Variants in PSMA4 observed in about 807,000 individuals in gnomAD.
The protein encoded by PSMA4 is proteasome 20S subunit alpha 4.
A neutral mutation model predicts 37.2 loss-of-function variants in PSMA4; 8 were observed. The ratio of observed to expected loss-of-function variants is 0.22; its 90% CI spans 0.13 to 0.39. The LOEUF (loss-of-function observed/expected upper bound fraction) is 0.39, where lower values mean the gene tolerates loss of function less well. Among genes scored for constraint, PSMA4 ranks in the 10% least tolerant of loss-of-function variants. PSMA4 has a pLI of 1.00. For synonymous variants in PSMA4, 93 were observed against 98.8 expected, an observed-to-expected ratio of 0.94 and a Z score of 0.35; for missense variants, 169 against 305.1, an observed-to-expected ratio of 0.55 and a Z score of 3.32.
rs2052523777 is a variant in PSMA4, at chr15:78,544,861, T to C, written c.288-8T>C. The C allele has an allele frequency of 1.3e-6, 2 of 1,582,702 alleles. No individual in the cohort carries two copies. The highest frequency in any genetic ancestry group is 2.7e-5 in the African/African-American group (2 of 74,110). The stretch of plus-strand genomic sequence containing the variant: ...AAAACTACTAATGTGCCCATCTCTT[T>C]ATCCTAGGTATTTATTACAGTATCA... On this transcript the variant is annotated splice_polypyrimidine_tract_variant and splice_region_variant and intron_variant, in intron 5 of 8. Coordinates refer to ENST00000044462, the MANE Select transcript of PSMA4 (RefSeq NM_002789.6).
Position 78,544,284 on chromosome 15 carries a change from C to T in PSMA4, c.287+17C>T. ...TGCTCAAAGGTATGGTCATAAATAG[C>T]ATAACTGATGATACAGAAATTAGTT... On this transcript the variant is annotated intron_variant, in intron 5 of 8. Transcript: ENST00000044462. 6.9e-7 allele frequency: 1 copy of T among 1,453,974 alleles called. No homozygotes were observed. Among genetic ancestry groups the T allele is most frequent in the Non-Finnish European group, 9.2e-7 (1 of 1,091,114 alleles). The allele number at this position is 1,453,974 out of a possible 1,614,324, so 90.1% of individuals were successfully genotyped here.
rs181448182 is a variant in PSMA4 at position 78,542,290 on chromosome 15, A to G, written c.46+71A>G. ...TGTTAGACTTTTAGAAAAAAAAATT[A>G]CAAACTTTTTTTGGTAGTTGCAAAG... On this transcript the variant is annotated intron_variant, in intron 3 of 8. Coordinates refer to ENST00000044462, the MANE Select transcript of PSMA4 (RefSeq NM_002789.6). 1.2e-4 allele frequency: 187 copies of G among 1,503,288 alleles called. No homozygotes were observed. The African/African-American group carries it at 2.3e-3, about 19-fold the overall frequency. 93.1% of individuals were successfully genotyped at this position (1,503,288 alleles called of 1,614,324 possible). A position where few individuals can be genotyped will look rare whatever the true frequency, so the allele number is the denominator to read the frequency against.
chr15:78,542,077 C>G, intron 2 of PSMA4, 100 bp from the exon 3 acceptor site: 1 of 1,459,924 alleles, frequency 6.8e-7, no homozygotes, highest in East Asian at 2.3e-5. Flanking sequence ...ACCTATTGAA[C>G]TTTGTATACC....
At chr15:78,544,112 T>C (rs1245297942) in intron 4 of PSMA4, 78 bp from the exon 5 acceptor site, 20 of 1,060,268 alleles carry the variant, frequency 1.9e-5, no homozygotes, top group Non-Finnish European at 2.6e-5. Flanking sequence ...TAATAGAAAT[T>C]AGAATTTTTT....
chr15:78,542,220 G>A lies in PSMA4; in HGVS notation c.46+1G>A. On this transcript the variant is annotated splice_donor_variant, in intron 3 of 8. Transcript: ENST00000044462. LOFTEE classifies it high-confidence loss of function. Reference sequence around the variant, plus strand: ...AGGACCACTATATTTTCTCCAGAAGGTAAAATAGAAATTGTTTAATCTGCC... The same window carrying A: ...AGGACCACTATATTTTCTCCAGAAGATAAAATAGAAATTGTTTAATCTGCC... 6.3e-7 allele frequency: 1 copy of A among 1,595,890 alleles called. No homozygotes were observed. Among genetic ancestry groups the A allele is most frequent in the Non-Finnish European group, 8.5e-7 (1 of 1,174,062 alleles).
At chr15:78,547,386 A>G (rs2052572281) in intron 8 of PSMA4, among the ~76,000 whole-genome samples, 1 of 152,214 alleles carries the variant, frequency 6.6e-6, no homozygotes, top group Admixed American at 6.5e-5. Flanking sequence ...ATGTAGTTAT[A>G]TATTTATACA....
At position 78,546,668 on chromosome 15, in the gene PSMA4, A is replaced by G. The variant is rs755670788; in HGVS notation, c.601A>G (p.Met201Val). The G allele has an allele frequency of 1.2e-6, 2 of 1,602,260 alleles. No homozygotes were observed. The highest frequency in any genetic ancestry group is 1.7e-6 in the Non-Finnish European group (2 of 1,176,640). Residue 201 changes from methionine (M) to valine (V), a missense_variant, in exon 8 of 9, where the codon ATG (methionine) becomes GTG (valine). Met to Val is a conservative substitution (Grantham distance 21). Coordinates refer to ENST00000044462, the MANE Select transcript of PSMA4 (RefSeq NM_002789.6). ...AGCTATCAAAGTACTAAATAAGACC[A>G]TGGATGTTAGTAAACTCTCTGCTGA... is the stretch of plus-strand genomic sequence containing the variant. ...ALAIKVLNKT[M>V]DVSKLSAEKV...
chr15:78,549,333 T>G lies in PSMA4; in HGVS notation c.*389T>G, dbSNP rs546752506. ...GCTGGCCAGATTATTCGTCTCTGTC[T>G]GCAGGAATTGGTTTGAGAATGAACA... On this transcript the variant is annotated 3_prime_UTR_variant, in exon 9 of 9. Transcript: ENST00000044462. 1 of 155,514 alleles carries G rather than the reference T, an allele frequency of 6.4e-6. No homozygotes were observed. The highest frequency in any genetic ancestry group is 2.0e-4 in the South Asian group (1 of 5,036). 9.6% of individuals were successfully genotyped at this position (155,514 alleles called of 1,614,324 possible).
rs563269482 is a variant in PSMA4 at position 78,548,553 on chromosome 15, G to A, written c.632-237G>A. On this transcript the variant is annotated intron_variant, in intron 8 of 8. Transcript: ENST00000044462. ...AATTGGTTGATTATACTTTTTCTAAGGGAGTGACAAAATGGCTGAGGAGAC... is the reference window on the plus strand; with the variant it reads ...AATTGGTTGATTATACTTTTTCTAAAGGAGTGACAAAATGGCTGAGGAGAC... 5.3e-5 allele frequency among the ~76,000 whole-genome samples: 8 copies of A among 152,274 alleles called. No individual in the cohort carries two copies. In the South Asian group the frequency reaches 1.7e-3, roughly 32 times the overall value.
intron 3 of PSMA4, 130 bp downstream of exon 3, chr15:78,542,349 C>T (rs1055329085): frequency 6.6e-6 from 9 of 1,368,984 alleles, no homozygotes; most frequent in Admixed American, 2.2e-5. Context: ...CAATTATCAT[C>T]ACCAGGTTGA....
rs1260368505 is a variant in PSMA4, at chr15:78,542,656, T to C, written c.209+11T>C. On this transcript the variant is annotated intron_variant, in intron 4 of 8. Coordinates refer to ENST00000044462, the MANE Select transcript of PSMA4 (RefSeq NM_002789.6). ...TTATAAACTCAATGAGTAAGTGAGA[T>C]TTTAGGAAAGAGTTTAAAAAAAATC... The C allele has an allele frequency of 3.8e-6, 6 of 1,588,682 alleles. No individual in the cohort carries two copies. Among genetic ancestry groups the C allele is most frequent in the South Asian group, 1.1e-5 (1 of 86,970 alleles).
rs957723950 is a variant in PSMA4, at chr15:78,549,476, C to G, written c.*532C>G. On this transcript the variant is annotated 3_prime_UTR_variant, in exon 9 of 9. Coordinates refer to ENST00000044462, the MANE Select transcript of PSMA4 (RefSeq NM_002789.6). ...AGATGAGGTGTAGAAGTTAAGGCCA[C>G]AGAGGAAAAGTGGAACCAAGAGATG... 2 of 152,254 alleles carry G rather than the reference C, an allele frequency of 1.3e-5. No individual in the cohort carries two copies. The highest frequency in any genetic ancestry group is 2.9e-5 in the Non-Finnish European group (2 of 68,106). The allele number at this position is 152,254 out of a possible 1,614,324, so 9.4% of individuals were successfully genotyped here. A position where few individuals can be genotyped will look rare whatever the true frequency, so the allele number is the denominator to read the frequency against.
At position 78,550,170 on chromosome 15, in the gene PSMA4, A is replaced by T. The variant is rs1258141984; in HGVS notation, c.*1226A>T. 1 of 152,246 alleles carries T rather than the reference A, an allele frequency of 6.6e-6. No individual in the cohort carries two copies. The highest frequency in any genetic ancestry group is 1.5e-5 in the Non-Finnish European group (1 of 68,060). The allele number at this position is 152,246 out of a possible 1,614,324, so 9.4% of individuals were successfully genotyped here. A position where few individuals can be genotyped will look rare whatever the true frequency, so the allele number is the denominator to read the frequency against. On this transcript the variant is annotated 3_prime_UTR_variant, in exon 9 of 9. Transcript: ENST00000044462. ...AATACTGAACTCTTGCACCTAGAGAAAGTACTGGGTTAGGGTCCTACAAGC... is the reference window on the plus strand; with the variant it reads ...AATACTGAACTCTTGCACCTAGAGATAGTACTGGGTTAGGGTCCTACAAGC...
intron 1 of PSMA4, 75 bp from the exon 2 acceptor site, chr15:78,541,825 TAAAAC>T (rs1257804179): frequency 8.3e-7 from 1 of 1,211,686 alleles, no homozygotes; most frequent in Non-Finnish European, 1.2e-6. Flanking sequence ...AGGGAGTAAA[TAAAAC>T]AGATTTGTAA....
chr15:78,545,282 C>T (rs534287069), intron 6 of PSMA4, among the ~76,000 whole-genome samples: 1 of 152,276 alleles, frequency 6.6e-6, no homozygotes, highest in East Asian at 1.9e-4. Context: ...GAATTTCATA[C>T]ATTCTTGCTT....
rs2052600887 is a variant in PSMA4 at position 78,548,769 on chromosome 15, AATGT to A, written c.632-16_632-13del. On this transcript the variant is annotated splice_polypyrimidine_tract_variant and intron_variant, in intron 8 of 8. Transcript: ENST00000044462. ...TGCCTGCCTGCCTGCAATACAAATAAATGTATGTGTTTGTTTTTAGTGGAAATTG... is the reference window on the plus strand; with the variant it reads ...TGCCTGCCTGCCTGCAATACAAATAAATGTGTTTGTTTTTAGTGGAAATTG... 5 of 1,596,254 alleles carry A rather than the reference AATGT, an allele frequency of 3.1e-6. No individual in the cohort carries two copies. The highest frequency in any genetic ancestry group is 2.2e-5 in the East Asian group (1 of 44,734).
Position 78,548,948 on chromosome 15 carries a change from C to T in PSMA4, c.*4C>T, listed in dbSNP as rs1567040104. On this transcript the variant is annotated 3_prime_UTR_variant, in exon 9 of 9. Coordinates refer to ENST00000044462, the MANE Select transcript of PSMA4 (RefSeq NM_002789.6). ...ACAGAAAGAAAAGGATAAATAGAAT[C>T]AGAGATTTTATTACTCATTTGGGGC... is the stretch of plus-strand genomic sequence containing the variant. 1 of 1,600,948 alleles carries T rather than the reference C, an allele frequency of 6.2e-7. No homozygotes were observed. The highest frequency in any genetic ancestry group is 8.5e-7 in the Non-Finnish European group (1 of 1,175,912).
At chr15:78,542,793 C>T in intron 4 of PSMA4, 148 bp downstream of exon 4, 1 of 692,060 alleles carries the variant, frequency 1.4e-6, no homozygotes, top group Non-Finnish European at 2.4e-6. Context: ...AGGCCTGGTA[C>T]CATGTGTTAC....
At chr15:78,542,432 G>A (rs748724264) in intron 3 of PSMA4, 51 bp from the exon 4 acceptor site, 1 of 1,580,786 alleles carries the variant, frequency 6.3e-7, no homozygotes, top group Admixed American at 1.9e-5. Flanking sequence ...TGGGCCAGTG[G>A]TGCAGGAGCA....
Sources: gnomAD v4.1 joint callset for allele counts (sites outside exome capture counted in the v4.1 genomes callset) on GRCh38, gnomAD v4.1.1 for gene constraint, MANE v1.5 for transcripts, NCBI Gene and HGNC (gene_info 2026-07-23, HGNC 2026-07-21) for gene names.